The following ADAM12 variants were observed in gnomAD, a reference collection of about 807,000 sequenced individuals.
The protein encoded by ADAM12 is disintegrin and metalloproteinase domain-containing protein 12.
A neutral mutation model predicts 106.4 loss-of-function variants in ADAM12; 70 were observed. The observed-to-expected ratio is 0.66, with a 90% CI of 0.54 to 0.80. The LOEUF (loss-of-function observed/expected upper bound fraction) is 0.80. ADAM12 is among the 30% of genes least tolerant of loss of function. The pLI is 0.00. For missense variants in ADAM12, 1,010 were observed against 1,171.9 expected, an observed-to-expected ratio of 0.86 and a Z score of 2.02; for synonymous variants, 420 against 433.5, an observed-to-expected ratio of 0.97 and a Z score of 0.39.
At chr10:126,142,938 GTGCATGTGTATATA>G (rs1461649428) in intron 4 of ADAM12, among the ~76,000 whole-genome samples, 1 of 151,968 alleles carries the variant, frequency 6.6e-6, no homozygotes, top group Non-Finnish European at 1.5e-5. Flanking sequence ...GTGCATGGGT[GTGCATGTGTATATA>G]TGCATGTGTG....
At chr10:126,327,393 G>C (rs865860651) in intron 2 of ADAM12, among the ~76,000 whole-genome samples, 16 of 152,320 alleles carry the variant, frequency 1.1e-4, no homozygotes, top group Middle Eastern at 6.8e-3. Context: ...TTCCCAGCCA[G>C]AAATTGCTGG....
Position 126,167,598 on chromosome 10 carries a change from C to T in ADAM12, c.261-12293G>A, listed in dbSNP as rs144878774. ...GTGTATCAGTTCATACTATTCCATG[C>T]GTAAAGGTGCATGAAATATTCAATA... On this transcript the variant is annotated intron_variant, in intron 3 of 22. Transcript: ENST00000448723. 1.3e-3 allele frequency among the ~76,000 whole-genome samples: 203 copies of T among 152,208 alleles called. 1 individual carries two copies. Among genetic ancestry groups the T allele is most frequent in the African/African-American group, 4.5e-3 (187 of 41,544 alleles).
At chr10:126,270,973 G>A (rs191918109) in intron 3 of ADAM12, among the ~76,000 whole-genome samples, 9 of 152,210 alleles carry the variant, frequency 5.9e-5, no homozygotes, top group South Asian at 2.1e-4. Context: ...GCCCACTGCC[G>A]GCTCCTGATC....
chr10:126,277,356 A>C (rs1411837956), intron 3 of ADAM12, among the ~76,000 whole-genome samples: 1 of 152,094 alleles, frequency 6.6e-6, no homozygotes, highest in Non-Finnish European at 1.5e-5. Flanking sequence ...GCCTCCCCTC[A>C]TGCTGTGCAC....
At chr10:126,041,391 A>G (rs1249509115) in intron 18 of ADAM12, 5 of 985,588 alleles carry the variant, frequency 5.1e-6, no homozygotes, top group Non-Finnish European at 4.8e-6. Context: ...CGGGGGATGG[A>G]GTTAGGCTCT....
At chr10:126,042,458 G>A (rs1384344280) in intron 18 of ADAM12, among the ~76,000 whole-genome samples, 2 of 152,130 alleles carry the variant, frequency 1.3e-5, no homozygotes, top group Admixed American at 6.5e-5. Context: ...TAACTTCCCT[G>A]AGCCTCAGGT....
At chr10:126,044,641 A>G (rs1286720904) in intron 17 of ADAM12, among the ~76,000 whole-genome samples, 1 of 152,230 alleles carries the variant, frequency 6.6e-6, no homozygotes, top group East Asian at 1.9e-4. Flanking sequence ...TGCGTAGAGT[A>G]TATGTCTCCC....
chr10:126,141,279 C>T (rs1956506334), intron 4 of ADAM12, among the ~76,000 whole-genome samples: 1 of 152,186 alleles, frequency 6.6e-6, no homozygotes, highest in Non-Finnish European at 1.5e-5. Flanking sequence ...CTCAAGGGCG[C>T]TAAACTGTAT....
At chr10:126,116,638 G>A (rs1262722866) in intron 6 of ADAM12, among the ~76,000 whole-genome samples, 1 of 151,966 alleles carries the variant, frequency 6.6e-6, no homozygotes, top group Non-Finnish European at 1.5e-5. Context: ...CCTGTGATGG[G>A]GCAGGAAACG....
intron 3 of ADAM12, among the ~76,000 whole-genome samples, chr10:126,254,842 G>A (rs2133694570): frequency 6.6e-6 from 1 of 152,314 alleles, no homozygotes; most frequent in East Asian, 1.9e-4. Context: ...AGAGTGTACT[G>A]ACAGCCTGGA....
chr10:126,241,146 G>T (rs4962528), intron 3 of ADAM12, among the ~76,000 whole-genome samples: 85,545 of 152,076 alleles, frequency 0.56, 24,728 homozygotes, highest in African/African-American at 0.69. Flanking sequence ...ATAACTGCAC[G>T]GACACCAGAT....
At position 126,374,335 on chromosome 10, in the gene ADAM12, C is replaced by A. The variant is rs563994805; in HGVS notation, c.88+13723G>T. ...AAAATGAACTCACAATTTAAAATTGCAAGGCATTGGAAGAGATAATCCACA... is the reference window on the plus strand; with the variant it reads ...AAAATGAACTCACAATTTAAAATTGAAAGGCATTGGAAGAGATAATCCACA... On this transcript the variant is annotated intron_variant, in intron 1 of 22. Coordinates refer to ENST00000448723, the MANE Select transcript of ADAM12 (RefSeq NM_001288973.2). Among the ~76,000 whole-genome samples the A allele has an allele frequency of 7.4e-4, 112 of 152,176 alleles. No homozygotes were observed. The Middle Eastern group carries it at 0.014, about 18-fold the overall frequency.
At chr10:126,293,749 G>A (rs941235904) in intron 2 of ADAM12, among the ~76,000 whole-genome samples, 10 of 152,042 alleles carry the variant, frequency 6.6e-5, no homozygotes, top group African/African-American at 2.4e-4. Flanking sequence ...TTGAACTCCT[G>A]ACCTCAGGTG....
At chr10:126,280,346 T>C (rs979331393) in intron 2 of ADAM12, among the ~76,000 whole-genome samples, 7 of 152,202 alleles carry the variant, frequency 4.6e-5, no homozygotes, top group South Asian at 2.1e-4. Flanking sequence ...TATCTTCTTC[T>C]AGTCTTTCTG....
chr10:126,056,389 CTATGGAATCAAAGGCCCGA>C (rs1954631675), intron 14 of ADAM12, among the ~76,000 whole-genome samples: 1 of 152,184 alleles, frequency 6.6e-6, no homozygotes, highest in Admixed American at 6.5e-5. Context: ...ATGCATTTCT[CTATGGAATCAAAGGCCCGA>C]ATGCATACTC....
chr10:126,333,623 G>T (rs575563082), intron 1 of ADAM12, among the ~76,000 whole-genome samples: 5 of 152,292 alleles, frequency 3.3e-5, no homozygotes, highest in Admixed American at 6.5e-5. Context: ...GATAATCAGG[G>T]TGAGGCTACA....
intron 3 of ADAM12, among the ~76,000 whole-genome samples, chr10:126,258,047 T>C (rs1439150764): frequency 6.6e-6 from 1 of 152,204 alleles, no homozygotes; most frequent in South Asian, 2.1e-4. Context: ...TGTGTCCCTA[T>C]ATTTATATTC....
At chr10:126,226,745 G>A (rs149534291) in intron 3 of ADAM12, among the ~76,000 whole-genome samples, 58 of 152,246 alleles carry the variant, frequency 3.8e-4, no homozygotes, top group African/African-American at 1.4e-3. Context: ...TTGAGGACAG[G>A]AGCCAACATT....
rs559161643 is a variant in ADAM12 at position 126,200,610 on chromosome 10, A to C, written c.261-45305T>G. Among the ~76,000 whole-genome samples, 3 of 152,268 alleles carry C rather than the reference A, an allele frequency of 2.0e-5. No individual in the cohort carries two copies. In the East Asian group the frequency reaches 5.8e-4, roughly 30 times the overall value. On this transcript the variant is annotated intron_variant, in intron 3 of 22. Transcript: ENST00000448723. ...CACTGTGGAGCTGCCGTGGGGTGCCAATAAGATAATGTGTGCAAAGAGCTC... is the reference window on the plus strand; with the variant it reads ...CACTGTGGAGCTGCCGTGGGGTGCCCATAAGATAATGTGTGCAAAGAGCTC...
Sources: allele counts gnomAD v4.1 joint callset (sites outside exome capture counted in the v4.1 genomes callset), GRCh38; gene constraint gnomAD v4.1.1; transcripts MANE v1.5; gene names NCBI Gene and HGNC (gene_info 2026-07-23, HGNC 2026-07-21).